Variants in RAB28 observed in about 807,000 individuals in gnomAD.
RAB28 encodes the protein RAB28, member RAS oncogene family.
Under a neutral mutation model 31.7 loss-of-function variants are expected in RAB28, and 24 were observed. The ratio of observed to expected loss-of-function variants is 0.76; its 90% CI spans 0.55 to 1.06. The LOEUF (loss-of-function observed/expected upper bound fraction) is 1.06, where lower values mean the gene tolerates loss of function less well. RAB28 is among the 50% of genes least tolerant of loss of function. The pLI is 0.00. For missense variants in RAB28, 254 were observed against 258.5 expected, an observed-to-expected ratio of 0.98 and a Z score of 0.12; for synonymous variants, 100 against 90.4, an observed-to-expected ratio of 1.11 and a Z score of -0.60.
At chr4:13,439,396 C>T (rs987517624) in intron 4 of RAB28, among the ~76,000 whole-genome samples, 12 of 152,124 alleles carry the variant, frequency 7.9e-5, no homozygotes, top group Non-Finnish European at 1.6e-4. Context: ...GCCCTGTCAC[C>T]CAGGCTGGAG....
At chr4:13,483,043 A>C (rs1197859126) in intron 1 of RAB28, among the ~76,000 whole-genome samples, 1 of 152,180 alleles carries the variant, frequency 6.6e-6, no homozygotes, top group African/African-American at 2.4e-5. Flanking sequence ...TACAGGGGTG[A>C]TAAACTTTAG....
At chr4:13,373,753 A>G in intron 6 of RAB28, among the ~76,000 whole-genome samples, 1 of 152,184 alleles carries the variant, frequency 6.6e-6, no homozygotes, top group East Asian at 1.9e-4. Context: ...CTAAAACCTC[A>G]CTGTAAATAT....
chr4:13,405,443 T>G (rs1453015097), intron 4 of RAB28, among the ~76,000 whole-genome samples: 1 of 152,178 alleles, frequency 6.6e-6, no homozygotes, highest in Non-Finnish European at 1.5e-5. Flanking sequence ...ACTTGAAAAC[T>G]ACAGTTCTTT....
chr4:13,459,682 C>CA (rs201658611), intron 4 of RAB28: 61,278 of 615,236 alleles, frequency 0.1, 408 homozygotes, highest in African/African-American at 0.16. Context: ...CACTCTTTCT[C>CA]AAAAAAAAAA....
Position 13,368,440 on chromosome 4 carries a change from G to C in RAB28, c.*118C>G. 2 of 1,317,110 alleles carry C rather than the reference G, an allele frequency of 1.5e-6. No homozygotes were observed. Among genetic ancestry groups the C allele is most frequent in the South Asian group, 4.9e-5 (2 of 40,930 alleles). 81.6% of individuals were successfully genotyped at this position (1,317,110 alleles called of 1,614,324 possible). On this transcript the variant is annotated 3_prime_UTR_variant, in exon 7 of 7. Coordinates refer to ENST00000330852, the MANE Select transcript of RAB28 (RefSeq NM_001017979.3). ...CAATAGCAATGATGAAGCAAGTTGG[G>C]AGTAAAGTGTTAACTGAACTACAGA...
In RAB28 at chr4:13,376,627, A is replaced by G. The variant is rs763850635; in HGVS notation, c.496-5T>C. ...TTTCTGAAAGCACAGGAAGACCTACATAACAAAAATGGGTTTAAATGATTT... is the reference window on the plus strand; with the variant it reads ...TTTCTGAAAGCACAGGAAGACCTACGTAACAAAAATGGGTTTAAATGATTT... On this transcript the variant is annotated splice_region_variant and splice_polypyrimidine_tract_variant and intron_variant, in intron 5 of 6. Coordinates refer to ENST00000330852, the MANE Select transcript of RAB28 (RefSeq NM_001017979.3). The G allele has an allele frequency of 2.0e-5, 31 of 1,587,676 alleles. No individual in the cohort carries two copies. In the South Asian group the frequency reaches 3.2e-4, roughly 16 times the overall value.
intron 4 of RAB28, among the ~76,000 whole-genome samples, chr4:13,435,750 C>T (rs1323569855): frequency 6.6e-6 from 1 of 152,072 alleles, no homozygotes; most frequent in Non-Finnish European, 1.5e-5. Context: ...TAAACAAATA[C>T]TGCCGCGGAC....
chr4:13,475,049 A>T (rs1184822227), intron 2 of RAB28, among the ~76,000 whole-genome samples: 1 of 151,666 alleles, frequency 6.6e-6, no homozygotes, highest in Non-Finnish European at 1.5e-5. Context: ...GTATATCACT[A>T]AATATTACAA....
intron 4 of RAB28, among the ~76,000 whole-genome samples, chr4:13,401,065 C>A (rs73819827): frequency 6.6e-6 from 1 of 152,028 alleles, no homozygotes; most frequent in Non-Finnish European, 1.5e-5. Flanking sequence ...ATTATTATAT[C>A]GGTGTCATAA....
intron 6 of RAB28, chr4:13,371,206 A>G: frequency 1.0e-6 from 1 of 985,406 alleles, no homozygotes; most frequent in Non-Finnish European, 1.2e-6. Context: ...AACAAGCAGC[A>G]TTAACTTTTG....
At position 13,373,959 on chromosome 4, in the gene RAB28, A is replaced by G. The variant is rs143991963; in HGVS notation, c.573+2586T>C. 2.3e-3 allele frequency among the ~76,000 whole-genome samples: 348 copies of G among 151,304 alleles called. 1 individual carries two copies. The highest frequency in any genetic ancestry group is 7.6e-3 in the African/African-American group (314 of 41,110). On this transcript the variant is annotated intron_variant, in intron 6 of 6. Coordinates refer to ENST00000330852, the MANE Select transcript of RAB28 (RefSeq NM_001017979.3). ...TGTATATATATGTATGTATGTATGT[A>G]TGTGTGTGTGTGTATATATGTGTGT...
At chr4:13,435,774 C>T (rs1714063757) in intron 4 of RAB28, among the ~76,000 whole-genome samples, 1 of 152,152 alleles carries the variant, frequency 6.6e-6, no homozygotes, top group Non-Finnish European at 1.5e-5. Flanking sequence ...ATGCATTTCA[C>T]AGCCAAAATC....
intron 4 of RAB28, among the ~76,000 whole-genome samples, chr4:13,423,017 G>A (rs1282955734): frequency 6.6e-6 from 1 of 151,934 alleles, no homozygotes; most frequent in African/African-American, 2.4e-5. Context: ...ATACATTCGA[G>A]GAAGTATTTA....
intron 4 of RAB28, among the ~76,000 whole-genome samples, chr4:13,409,987 TAG>T (rs1409056689): frequency 2.0e-5 from 3 of 152,040 alleles, no homozygotes; most frequent in African/African-American, 7.2e-5. Flanking sequence ...ACCATCCCCC[TAG>T]TGCTATCTCG....
At chr4:13,472,918 A>T (rs1298236699) in intron 3 of RAB28, among the ~76,000 whole-genome samples, 1 of 152,026 alleles carries the variant, frequency 6.6e-6, no homozygotes, top group Non-Finnish European at 1.5e-5. Flanking sequence ...ATAAAATATC[A>T]AGTCACTTAA....
chr4:13,371,242 C>T, intron 6 of RAB28: 1 of 985,394 alleles, frequency 1.0e-6, no homozygotes, highest in African/African-American at 1.7e-5. Flanking sequence ...TTACTAGGCA[C>T]TCTGCCTGAT....
At chr4:13,443,005 C>T (rs1432193001) in intron 4 of RAB28, among the ~76,000 whole-genome samples, 1 of 152,064 alleles carries the variant, frequency 6.6e-6, no homozygotes, top group East Asian at 1.9e-4. Context: ...AAATAAATAT[C>T]CTTATAGGAA....
chr4:13,445,175 T>C (rs1714631362), intron 4 of RAB28, among the ~76,000 whole-genome samples: 1 of 151,930 alleles, frequency 6.6e-6, no homozygotes, highest in Non-Finnish European at 1.5e-5. Flanking sequence ...ATTCAGCCAT[T>C]GATACTTGTG....
At chr4:13,471,095 A>G (rs545769578) in intron 3 of RAB28, among the ~76,000 whole-genome samples, 1 of 152,122 alleles carries the variant, frequency 6.6e-6, no homozygotes, top group East Asian at 1.9e-4. Context: ...CTAAAACAAA[A>G]CCCTAAATAA....
Sources: allele counts gnomAD v4.1 joint callset (sites outside exome capture counted in the v4.1 genomes callset), GRCh38; gene constraint gnomAD v4.1.1; transcripts MANE v1.5; gene names NCBI Gene and HGNC (gene_info 2026-07-23, HGNC 2026-07-21).